COPS5: variants seen among roughly 807,000 people sequenced by gnomAD.
COPS5 encodes the protein COP9 signalosome subunit 5.
Under a neutral mutation model 44.4 loss-of-function variants are expected in COPS5, and 8 were observed. The ratio of observed to expected loss-of-function variants is 0.18; its 90% CI spans 0.11 to 0.32. COPS5 has a LOEUF of 0.32. COPS5 is among the 10% of genes least tolerant of loss of function. COPS5 has a pLI of 1.00. For missense variants in COPS5, 159 were observed against 406.4 expected (o/e 0.39, Z 5.23); for synonymous variants, 122 against 142.8 (o/e 0.85, Z 1.04).
chr8:67,050,614 A>AGTGTGT (rs5892073), intron 6 of COPS5, among the ~76,000 whole-genome samples: 1,415 of 141,124 alleles, frequency 0.01, 27 homozygotes, highest in African/African-American at 0.033. Context: ...TGAGTGTGAG[A>AGTGTGT]GTGTGTGTGT....
At position 67,052,620 on chromosome 8, in the gene COPS5, G is replaced by A. The variant is rs573688232; in HGVS notation, c.660-1279C>T. 5.9e-5 allele frequency among the ~76,000 whole-genome samples: 9 copies of A among 151,914 alleles called. No homozygotes were observed. The South Asian group carries it at 1.9e-3, about 32-fold the overall frequency. ...TTTGGTAGAGATGGGGTTTCACAAT[G>A]TTGGTCAGGCTGGTCTTGAACTCCC... On this transcript the variant is annotated intron_variant, in intron 5 of 7. Transcript: ENST00000357849.
At chr8:67,058,242 A>C in intron 2 of COPS5, 31 bp from the exon 3 acceptor site, 1 of 1,607,710 alleles carries the variant, frequency 6.2e-7, no homozygotes, top group Non-Finnish European at 8.5e-7. Context: ...AAAGTTTAAG[A>C]TTACTCTTTA....
chr8:67,059,573 G>C, intron 1 of COPS5, 128 bp from the exon 2 acceptor site: 1 of 692,800 alleles, frequency 1.4e-6, no homozygotes, highest in African/African-American at 1.8e-5. Flanking sequence ...AGACTACGGG[G>C]AGAAAAAGTA....
At chr8:67,061,411 G>T (rs749810567) in intron 1 of COPS5, 10 of 452,658 alleles carry the variant, frequency 2.2e-5, no homozygotes, top group Non-Finnish European at 4.0e-5. Flanking sequence ...GCAACACAGC[G>T]AGGACCCATT....
intron 1 of COPS5, 165 bp downstream of exon 1, chr8:67,061,689 A>G: frequency 1.5e-6 from 1 of 671,158 alleles, no homozygotes; most frequent in South Asian, 1.9e-5. Flanking sequence ...AGGGGAGTGA[A>G]AGCCCCAGCG....
In COPS5 at chr8:67,043,744, G is replaced by A. The variant is rs1341477683; in HGVS notation, c.921-427C>T. On this transcript the variant is annotated intron_variant, in intron 7 of 7. Coordinates refer to ENST00000357849, the MANE Select transcript of COPS5 (RefSeq NM_006837.3). ...CTCCAACAATCAGAAGTCAAACTTA[G>A]GTTAGCGGGTGAAGGCCTTAGATTT... 8 of 152,446 alleles carry A rather than the reference G, an allele frequency of 5.2e-5. No individual in the cohort carries two copies. In the East Asian group the frequency reaches 1.3e-3, roughly 26 times the overall value. 9.4% of individuals were successfully genotyped at this position (152,446 alleles called of 1,614,324 possible).
chr8:67,053,136 C>A (rs940496901), intron 5 of COPS5, among the ~76,000 whole-genome samples: 2 of 151,992 alleles, frequency 1.3e-5, no homozygotes, highest in African/African-American at 4.8e-5. Context: ...GTCACTTAGG[C>A]TGGAGTGCAG....
chr8:67,048,508 A>G (rs1816728416), intron 6 of COPS5, among the ~76,000 whole-genome samples: 1 of 151,378 alleles, frequency 6.6e-6, no homozygotes, highest in Non-Finnish European at 1.5e-5. Flanking sequence ...CGAGGTCAGG[A>G]GTTCAAGACC....
chr8:67,059,737 A>C, intron 1 of COPS5: 1 of 316,782 alleles, frequency 3.2e-6, no homozygotes, highest in Admixed American at 4.5e-5. Flanking sequence ...TTTCTCCATT[A>C]ATTTGGAATC....
intron 5 of COPS5, among the ~76,000 whole-genome samples, chr8:67,053,870 A>G (rs113935492): frequency 0.041 from 5,769 of 142,232 alleles, 241 homozygotes; most frequent in African/African-American, 0.097. Flanking sequence ...GTCGAGCATG[A>G]TGGTGGGCGC....
intron 6 of COPS5, among the ~76,000 whole-genome samples, chr8:67,050,161 C>T (rs1023119369): frequency 1.3e-5 from 2 of 152,150 alleles, no homozygotes; most frequent in African/African-American, 4.8e-5. Context: ...ACCACCTCGC[C>T]CGGCTAATTT....
chr8:67,050,428 A>G (rs1011271766), intron 6 of COPS5, among the ~76,000 whole-genome samples: 3 of 152,158 alleles, frequency 2.0e-5, no homozygotes, highest in Non-Finnish European at 2.9e-5. Flanking sequence ...CTCAGCAGTA[A>G]AGCACTTGCC....
chr8:67,044,257 G>A (rs954768139), intron 7 of COPS5: 9 of 151,852 alleles, frequency 5.9e-5, no homozygotes, highest in African/African-American at 2.2e-4. Context: ...ATGTTGCCCA[G>A]GCTGGTTTCA....
chr8:67,060,549 G>C (rs1804574722), intron 1 of COPS5: 2 of 1,270,788 alleles, frequency 1.6e-6, no homozygotes, highest in African/African-American at 1.5e-5. Context: ...CCCTTTACTG[G>C]AGAAAAGAAG....
chr8:67,054,195 AT>A (rs2129537899), intron 5 of COPS5, among the ~76,000 whole-genome samples: 1 of 152,258 alleles, frequency 6.6e-6, no homozygotes, highest in Non-Finnish European at 1.5e-5. Context: ...AAAAAAAGTT[AT>A]TTAAGGAAGA....
At chr8:67,060,495 A>C (rs1360939443) in intron 1 of COPS5, 2 of 1,289,622 alleles carry the variant, frequency 1.6e-6, no homozygotes, top group Non-Finnish European at 2.0e-6. Flanking sequence ...AAATGTGTAG[A>C]CCTCATGTTG....
chr8:67,053,058 C>A (rs1450330507), intron 5 of COPS5, among the ~76,000 whole-genome samples: 2 of 151,746 alleles, frequency 1.3e-5, no homozygotes, highest in African/African-American at 4.8e-5. Context: ...GTTAGTGGTG[C>A]GAAAGATAAA....
chr8:67,050,302 C>CT (rs921444044), intron 6 of COPS5, among the ~76,000 whole-genome samples: 3 of 151,608 alleles, frequency 2.0e-5, no homozygotes, highest in East Asian at 1.9e-4. Context: ...CGCCCGGCCT[C>CT]TTTTTTTTTC....
intron 6 of COPS5, chr8:67,047,875 A>G: frequency 1.4e-6 from 1 of 702,578 alleles, no homozygotes; most frequent in Non-Finnish European, 2.6e-6. Flanking sequence ...GAAACAACAC[A>G]TATAAAACAC....
Sources: allele counts gnomAD v4.1 joint callset (sites outside exome capture counted in the v4.1 genomes callset), GRCh38; gene constraint gnomAD v4.1.1; transcripts MANE v1.5; gene names NCBI Gene and HGNC (gene_info 2026-07-23, HGNC 2026-07-21).